DAZL: variants seen among roughly 807,000 people sequenced by gnomAD.
DAZL encodes the protein deleted in azoospermia-like.
DAZL carries 4 observed loss-of-function variants against 45.0 expected under a neutral mutation model. That is an observed-to-expected ratio of 0.09 (90% CI 0.04 to 0.20). The LOEUF is 0.20. Ranked by LOEUF, DAZL falls within the 10% of genes least tolerant of loss-of-function variation. DAZL has a pLI of 1.00. For missense variants in DAZL, 326 were observed against 351.3 expected, an observed-to-expected ratio of 0.93 and a Z score of 0.58; for synonymous variants, 122 against 112.4, an observed-to-expected ratio of 1.09 and a Z score of -0.54.
At chr3:16,604,922 G>T in intron 1 of DAZL, 1 of 671,374 alleles carries the variant, frequency 1.5e-6, no homozygotes, top group Admixed American at 2.9e-5. Context: ...GGTGCCTCAA[G>T]AAGGCCGTGG....
chr3:16,592,506 T>C (rs1357499286), intron 9 of DAZL, among the ~76,000 whole-genome samples: 4 of 149,378 alleles, frequency 2.7e-5, no homozygotes, highest in African/African-American at 9.9e-5. Flanking sequence ...GAGGTGGAAA[T>C]TGCAGTGAGC....
At chr3:16,591,918 TGTGTTATA>T in intron 10 of DAZL, 124 bp downstream of exon 10, 1 of 1,050,704 alleles carries the variant, frequency 9.5e-7, no homozygotes, top group Non-Finnish European at 1.4e-6. Flanking sequence ...TCTGGTTTAC[TGTGTTATA>T]GTCAAATGCC....
At chr3:16,591,613 T>C (rs1391086231) in intron 10 of DAZL, among the ~76,000 whole-genome samples, 1 of 152,024 alleles carries the variant, frequency 6.6e-6, no homozygotes, top group Non-Finnish European at 1.5e-5. Context: ...TTTGTATTTT[T>C]TGTAGAGATG....
chr3:16,597,130 TC>T, intron 4 of DAZL, 79 bp from the exon 5 acceptor site: 2 of 1,446,424 alleles, frequency 1.4e-6, no homozygotes. Context: ...CCTAAAGTCT[TC>T]TAAAATTCCT....
At position 16,588,514 on chromosome 3, in the gene DAZL, G is replaced by C. The variant is rs1444143407; in HGVS notation, c.*146C>G. On this transcript the variant is annotated 3_prime_UTR_variant, in exon 11 of 11. Transcript: ENST00000399444. ...AAACATCTAATGAAGAACAGTTTAA[G>C]ATAAAACTAGAGAGTCTAATAATAC... The C allele has an allele frequency of 3.6e-5, 25 of 700,360 alleles. No individual in the cohort carries two copies. The highest frequency in any genetic ancestry group is 1.2e-4 in the Admixed American group (6 of 50,552). The allele number at this position is 700,360 out of a possible 1,614,324, so 43.4% of individuals were successfully genotyped here.
rs1033630034 is a variant in DAZL, at chr3:16,604,478, CGCCGCCACACGAGGGA to C, written c.3+709_3+724del. 2.3e-5 allele frequency: 35 copies of C among 1,527,668 alleles called. No individual in the cohort carries two copies. The African/African-American group carries it at 4.7e-4, about 20-fold the overall frequency. 94.6% of individuals were successfully genotyped at this position (1,527,668 alleles called of 1,614,324 possible). On this transcript the variant is annotated intron_variant, in intron 1 of 10. Coordinates refer to ENST00000399444, the MANE Select transcript of DAZL (RefSeq NM_001351.4). ...GATGGCGTCAGGCGAGCTTTTCTGTCGCCGCCACACGAGGGAGCCGCCATCAGCAAGTCCCCCGCAG... is the reference window on the plus strand; with the variant it reads ...GATGGCGTCAGGCGAGCTTTTCTGTCGCCGCCATCAGCAAGTCCCCCGCAG...
At chr3:16,591,640 C>T (rs952418105) in intron 10 of DAZL, among the ~76,000 whole-genome samples, 1 of 151,998 alleles carries the variant, frequency 6.6e-6, no homozygotes, top group Admixed American at 6.6e-5. Flanking sequence ...TGCCATGTTG[C>T]CCAGGGTGGT....
At position 16,598,568 on chromosome 3, in the gene DAZL, T is replaced by C. The variant is rs11710967; in HGVS notation, c.34A>G (p.Thr12Ala). ...TGGGTGCTGGCCTCTCTGGAGATGG[T>C]TGAGTTTGGAGTTTCAGGATTTGCA... is the stretch of plus-strand genomic sequence containing the variant. ...STANPETPNSTISREASTQSS... is the reference protein window; with the variant it reads ...STANPETPNSAISREASTQSS... The change falls in exon 2 of 11, where the codon ACC becomes GCC. Residue 12 changes from threonine to alanine, a missense_variant. Physicochemically the swap from Thr to Ala is moderately conservative, Grantham distance 58. Coordinates refer to ENST00000399444, the MANE Select transcript of DAZL (RefSeq NM_001351.4). 195,613 of 1,593,758 alleles carry C rather than the reference T, an allele frequency of 0.12. 13,386 individuals carry two copies. Among genetic ancestry groups the C allele is most frequent in the Non-Finnish European group, 0.14 (160,118 of 1,172,942 alleles).
intron 9 of DAZL, 103 bp from the exon 10 acceptor site, chr3:16,592,251 A>G: frequency 1.3e-6 from 2 of 1,512,106 alleles, no homozygotes; most frequent in South Asian, 2.3e-5. Flanking sequence ...TTATTTCTAA[A>G]GAAATGCAAA....
At chr3:16,590,957 T>G (rs1234546517) in intron 10 of DAZL, among the ~76,000 whole-genome samples, 1 of 152,194 alleles carries the variant, frequency 6.6e-6, no homozygotes, top group East Asian at 1.9e-4. Flanking sequence ...TACACAACTT[T>G]GAATATATGA....
chr3:16,596,054 C>A (rs35942239), intron 6 of DAZL, among the ~76,000 whole-genome samples: 8,200 of 151,732 alleles, frequency 0.054, 329 homozygotes, highest in Non-Finnish European at 0.087. Flanking sequence ...AGGAGGTACA[C>A]CCTACACATT....
intron 9 of DAZL, 57 bp downstream of exon 9, chr3:16,593,598 T>G: frequency 9.0e-7 from 1 of 1,115,188 alleles, no homozygotes; most frequent in South Asian, 1.5e-5. Context: ...CAAAAAACCA[T>G]TATTAAAACT....
intron 3 of DAZL, 66 bp downstream of exon 3, chr3:16,598,020 AT>A: frequency 2.2e-6 from 3 of 1,371,072 alleles, no homozygotes; most frequent in Non-Finnish European, 3.1e-6. Context: ...CAGAATACCA[AT>A]TTTGAAGTCT....
rs1411423801 is a variant in DAZL, at chr3:16,597,547, A to G, written c.243-6T>C. The G allele has an allele frequency of 1.3e-6, 2 of 1,552,890 alleles. No homozygotes were observed. The highest frequency in any genetic ancestry group is 1.8e-6 in the Non-Finnish European group (2 of 1,124,914). On this transcript the variant is annotated splice_polypyrimidine_tract_variant and splice_region_variant and intron_variant, in intron 3 of 10. Coordinates refer to ENST00000399444, the MANE Select transcript of DAZL (RefSeq NM_001351.4). The stretch of plus-strand genomic sequence containing the variant: ...AAAATGAAACAAATCCATAGCTATA[A>G]AGGCAGATAAATGAAGTATAAAATC...
chr3:16,598,303 T>C, intron 2 of DAZL, 125 bp from the exon 3 acceptor site: 1 of 1,401,916 alleles, frequency 7.1e-7, no homozygotes, highest in Non-Finnish European at 1.0e-6. Context: ...AGTAGCTCTT[T>C]GTCAAAGATA....
rs1196687760 is a variant in DAZL at position 16,587,175 on chromosome 3, TAA to T, written c.*1483_*1484del. On this transcript the variant is annotated 3_prime_UTR_variant, in exon 11 of 11. Coordinates refer to ENST00000399444, the MANE Select transcript of DAZL (RefSeq NM_001351.4). The stretch of plus-strand genomic sequence containing the variant: ...AAAGCCCTCTTGGGAATTCTAAAGT[TAA>T]AAGACTCTCTCCTTCAGATTCAGAA... The T allele has an allele frequency of 6.6e-6, 1 of 152,136 alleles. No homozygotes were observed. The highest frequency in any genetic ancestry group is 2.4e-5 in the African/African-American group (1 of 41,428). 9.4% of individuals were successfully genotyped at this position (152,136 alleles called of 1,614,324 possible).
intron 1 of DAZL, among the ~76,000 whole-genome samples, chr3:16,601,256 AG>A (rs1388560511): frequency 6.6e-6 from 1 of 151,892 alleles, no homozygotes; most frequent in African/African-American, 2.4e-5. Context: ...TGGCGACAAC[AG>A]TAGTTTGGTA....
chr3:16,595,031 A>G (rs1405190664), intron 7 of DAZL, among the ~76,000 whole-genome samples: 1 of 148,200 alleles, frequency 6.7e-6, no homozygotes, highest in Non-Finnish European at 1.5e-5. Context: ...TGTTTCGGCT[A>G]TTTGACAGCA....
chr3:16,603,144 C>A (rs73818474), intron 1 of DAZL, among the ~76,000 whole-genome samples: 2 of 152,188 alleles, frequency 1.3e-5, no homozygotes, highest in African/African-American at 4.8e-5. Context: ...AATACTGATA[C>A]ATTCTTTACA....
Sources: gnomAD v4.1 joint callset for allele counts (sites outside exome capture counted in the v4.1 genomes callset) on GRCh38, gnomAD v4.1.1 for gene constraint, MANE v1.5 for transcripts, NCBI Gene and HGNC (gene_info 2026-07-23, HGNC 2026-07-21) for gene names.